Variants in TMEM131 observed in about 807,000 individuals in gnomAD.
TMEM131 encodes 2610524E03Rik.
In TMEM131, 66 loss-of-function variants were observed where a neutral mutation model predicts 211.6. The ratio of observed to expected loss-of-function variants is 0.31; its 90% confidence interval spans 0.26 to 0.38. The LOEUF (loss-of-function observed/expected upper bound fraction) is 0.38. Among genes scored for constraint, TMEM131 ranks in the 10% least tolerant of loss-of-function variants. The pLI, the probability that TMEM131 is intolerant of heterozygous loss-of-function variation, is 1.00. For missense variants in TMEM131, 2,036 were observed against 2,299.3 expected (o/e 0.89, Z 2.34); for synonymous variants, 844 against 841.3 (o/e 1.00, Z -0.06).
chr2:97,803,279 C>T (rs573710662), intron 22 of TMEM131, among the ~76,000 whole-genome samples: 2 of 152,314 alleles, frequency 1.3e-5, no homozygotes, highest in African/African-American at 4.8e-5. Flanking sequence ...GAAGGCAGTA[C>T]ATTGCTTGGC....
intron 40 of TMEM131, among the ~76,000 whole-genome samples, chr2:97,758,326 A>G (rs149945065): frequency 1.3e-5 from 2 of 152,248 alleles, no homozygotes; most frequent in East Asian, 3.8e-4. Flanking sequence ...TTTTTCTGTC[A>G]TAATTTTGTG....
intron 5 of TMEM131, among the ~76,000 whole-genome samples, chr2:97,847,659 A>G (rs1171476060): frequency 6.6e-6 from 1 of 152,224 alleles, no homozygotes; most frequent in Non-Finnish European, 1.5e-5. Context: ...AGAAGTAACA[A>G]CTAAATGCAA....
chr2:97,994,310 C>T (rs933423365), intron 1 of TMEM131, among the ~76,000 whole-genome samples: 3 of 152,140 alleles, frequency 2.0e-5, no homozygotes, highest in Admixed American at 6.5e-5. Flanking sequence ...TTTCTATAGA[C>T]GACAATTCTT....
At chr2:97,974,019 A>G (rs1165856030) in intron 1 of TMEM131, among the ~76,000 whole-genome samples, 1 of 152,246 alleles carries the variant, frequency 6.6e-6, no homozygotes, top group African/African-American at 2.4e-5. Context: ...AGACAGAAAA[A>G]CATGACCCAA....
chr2:97,928,582 G>A (rs1197216201), intron 1 of TMEM131, among the ~76,000 whole-genome samples: 3 of 151,794 alleles, frequency 2.0e-5, no homozygotes, highest in African/African-American at 7.3e-5. Context: ...CTGAAGTGGG[G>A]GGAGAGGGGA....
chr2:97,995,406 C>T, intron 1 of TMEM131, 70 bp downstream of exon 1: 1 of 1,281,580 alleles, frequency 7.8e-7, no homozygotes. Context: ...TCCTCCCGGC[C>T]CAGCCCTCCC....
At chr2:97,837,491 A>G (rs543037137) in intron 7 of TMEM131, among the ~76,000 whole-genome samples, 4 of 152,356 alleles carry the variant, frequency 2.6e-5, no homozygotes, top group African/African-American at 9.6e-5. Context: ...AAGTTTTGGA[A>G]ACATAAATTT....
At chr2:97,793,023 CTACAAAATCTAA>C in intron 30 of TMEM131, 39 bp from the exon 31 acceptor site, 1 of 1,363,190 alleles carries the variant, frequency 7.3e-7, no homozygotes, top group African/African-American at 1.5e-5. Context: ...AAATAGCAAC[CTACAAAATCTAA>C]TATTAAAAAA....
intron 31 of TMEM131, among the ~76,000 whole-genome samples, chr2:97,777,034 G>C (rs1679770499): frequency 6.6e-6 from 1 of 152,216 alleles, no homozygotes. Context: ...AGACAAATGA[G>C]AACCAGCCCC....
rs766187281 is a variant in TMEM131 at position 97,794,961 on chromosome 2, C to A, written c.3355G>T (p.Ala1119Ser). The A allele has an allele frequency of 3.4e-5, 54 of 1,602,924 alleles. No individual in the cohort carries two copies. The highest frequency in any genetic ancestry group is 4.3e-5 in the Non-Finnish European group (50 of 1,174,152). ...EALPRPNWEL[A>S]LYIIISGIMS... ...ATTCCTGAGATGATGATATACAGAG[C>A]CAGTTCCCAGTTAGGTCTGGGTAGG... Residue 1119 changes from alanine (A) to serine (S), a missense_variant, in exon 29 of 41, where the codon GCT becomes TCT. Coordinates refer to ENST00000186436, the MANE Select transcript of TMEM131 (RefSeq NM_015348.2).
At chr2:97,891,468 A>C (rs1029787458) in intron 3 of TMEM131, among the ~76,000 whole-genome samples, 9 of 151,680 alleles carry the variant, frequency 5.9e-5, no homozygotes, top group Admixed American at 5.3e-4. Flanking sequence ...CAATGATTAC[A>C]CATGTTCTGA....
chr2:97,839,578 T>C (rs560250418), intron 7 of TMEM131, among the ~76,000 whole-genome samples: 1 of 152,328 alleles, frequency 6.6e-6, no homozygotes, highest in South Asian at 2.1e-4. Flanking sequence ...GAATATATTA[T>C]GTGTAAACAA....
At chr2:97,955,861 G>A (rs1162436983) in intron 1 of TMEM131, among the ~76,000 whole-genome samples, 1 of 151,902 alleles carries the variant, frequency 6.6e-6, no homozygotes, top group Non-Finnish European at 1.5e-5. Context: ...CTAAATAAAT[G>A]AACATATATA....
At chr2:97,913,848 G>A (rs1342520755) in intron 2 of TMEM131, among the ~76,000 whole-genome samples, 2 of 152,064 alleles carry the variant, frequency 1.3e-5, no homozygotes, top group Admixed American at 6.6e-5. Flanking sequence ...CACACCAGGC[G>A]CCATTTGAGT....
At chr2:97,766,640 C>A (rs1679182063) in intron 33 of TMEM131, 38 bp from the exon 34 acceptor site, 5 of 1,608,668 alleles carry the variant, frequency 3.1e-6, no homozygotes, top group African/African-American at 1.3e-5. Flanking sequence ...CAAATTTATT[C>A]CTCTGTTTTG....
intron 4 of TMEM131, among the ~76,000 whole-genome samples, chr2:97,868,967 G>A (rs1373651053): frequency 2.6e-5 from 4 of 152,126 alleles, no homozygotes; most frequent in Admixed American, 1.3e-4. Context: ...ACTGCAGGAA[G>A]CTCAATCGAT....
intron 1 of TMEM131, among the ~76,000 whole-genome samples, chr2:97,962,912 T>G (rs1242019111): frequency 6.6e-6 from 1 of 152,208 alleles, no homozygotes; most frequent in Non-Finnish European, 1.5e-5. Context: ...AAAGACTGCA[T>G]GTAGTATGAT....
intron 1 of TMEM131, among the ~76,000 whole-genome samples, chr2:97,945,399 T>A (rs1487229341): frequency 6.6e-6 from 1 of 152,134 alleles, no homozygotes; most frequent in Admixed American, 6.5e-5. Flanking sequence ...AGTCTATGAG[T>A]ATACTTCAAA....
rs1228046001 is a variant in TMEM131, at chr2:97,896,370, A to ATT, written c.291-8252_291-8251dup. Among the ~76,000 whole-genome samples, 12 of 152,218 alleles carry ATT rather than the reference A, an allele frequency of 7.9e-5. No homozygotes were observed. The South Asian group carries it at 2.5e-3, about 32-fold the overall frequency. On this transcript the variant is annotated intron_variant, in intron 3 of 40. Transcript: ENST00000186436. ...GGGGTGGAGAGTTCTGCAGATGTCTATTAGGTTTGCTTGGTCCAGAGCTGA... is the reference window on the plus strand; with the variant it reads ...GGGGTGGAGAGTTCTGCAGATGTCTATTTTAGGTTTGCTTGGTCCAGAGCTGA...
Sources: allele counts gnomAD v4.1 joint callset (sites outside exome capture counted in the v4.1 genomes callset), GRCh38; gene constraint gnomAD v4.1.1; transcripts MANE v1.5; gene names NCBI Gene and HGNC (gene_info 2026-07-23, HGNC 2026-07-21).